Variants in RAB3C observed in about 807,000 individuals in gnomAD.
The protein encoded by RAB3C is ras-related protein Rab-3C.
In RAB3C, 17 loss-of-function variants were observed where a neutral mutation model predicts 26.4. The ratio of observed to expected loss-of-function variants is 0.64; its 90% confidence interval spans 0.44 to 0.97. The LOEUF (loss-of-function observed/expected upper bound fraction) is 0.97, where lower values mean the gene tolerates loss of function less well. RAB3C is among the 50% of genes least tolerant of loss of function. RAB3C has a pLI of 0.00. For synonymous variants in RAB3C, 91 were observed against 95.9 expected (o/e 0.95, Z 0.30); for missense variants, 242 against 281.9 (o/e 0.86, Z 1.01).
At chr5:58,582,648 A>T (rs756167992), upstream of RAB3C, among the ~76,000 whole-genome samples, 1 of 152,116 alleles carries the variant, frequency 6.6e-6, no homozygotes, top group African/African-American at 2.4e-5. Context: ...AACTTTCCCG[A>T]TTCGGATGGG....
chr5:58,852,314 T>C lies in RAB3C; in HGVS notation c.*963T>C, dbSNP rs1450978311. 1 of 152,176 alleles carries C rather than the reference T, an allele frequency of 6.6e-6. No homozygotes were observed. The highest frequency in any genetic ancestry group is 1.5e-5 in the Non-Finnish European group (1 of 68,044). 9.4% of individuals were successfully genotyped at this position (152,176 alleles called of 1,614,324 possible). Reference sequence around the variant, plus strand: ...TCACCAACTCTTGGACTAGAGCTTATGTTGAAGCTTGTTAGGGCTCCTCTT... The same window carrying C: ...TCACCAACTCTTGGACTAGAGCTTACGTTGAAGCTTGTTAGGGCTCCTCTT... On this transcript the variant is annotated 3_prime_UTR_variant, in exon 5 of 5. Transcript: ENST00000282878.
chr5:58,588,460 G>A (rs1034522922), intron 1 of RAB3C, among the ~76,000 whole-genome samples: 3 of 151,918 alleles, frequency 2.0e-5, no homozygotes, highest in Non-Finnish European at 4.4e-5. Flanking sequence ...AATGATGAAC[G>A]GTTTTTAGTA....
At chr5:58,605,368 T>G (rs1193544334) in intron 1 of RAB3C, among the ~76,000 whole-genome samples, 8 of 152,154 alleles carry the variant, frequency 5.3e-5, no homozygotes, top group Admixed American at 6.5e-5. Flanking sequence ...AATTTCATCT[T>G]TAAAATGGAG....
chr5:58,688,305 GTGTACCATGGCATAACCT>G (rs1748489163), intron 2 of RAB3C, among the ~76,000 whole-genome samples: 1 of 152,098 alleles, frequency 6.6e-6, no homozygotes, highest in African/African-American at 2.4e-5. Flanking sequence ...TGGCAGCCAT[GTGTACCATGGCATAACCT>G]TACCTCTCCC....
chr5:58,827,836 A>G (rs1743522739), intron 4 of RAB3C, among the ~76,000 whole-genome samples: 1 of 152,224 alleles, frequency 6.6e-6, no homozygotes, highest in African/African-American at 2.4e-5. Flanking sequence ...TTTTTAAAAA[A>G]TGCTCTCACA....
At chr5:58,774,712 G>A (rs1163317540) in intron 3 of RAB3C, among the ~76,000 whole-genome samples, 1 of 152,128 alleles carries the variant, frequency 6.6e-6, no homozygotes. Flanking sequence ...CTAGATATAG[G>A]TGACATTCAA....
intron 3 of RAB3C, among the ~76,000 whole-genome samples, chr5:58,749,295 TAA>T (rs996167083): frequency 4.6e-5 from 7 of 152,300 alleles, no homozygotes; most frequent in Admixed American, 3.9e-4. Flanking sequence ...TTGTGATTTT[TAA>T]AAAAATTTCA....
chr5:58,693,334 G>GTA (rs1478527340), intron 2 of RAB3C, among the ~76,000 whole-genome samples: 1,722 of 83,718 alleles, frequency 0.021, 63 homozygotes, highest in African/African-American at 0.061. Context: ...ATATATATAT[G>GTA]TGTATATATA....
chr5:58,731,082 A>G (rs1741009018), intron 3 of RAB3C, among the ~76,000 whole-genome samples: 1 of 152,226 alleles, frequency 6.6e-6, no homozygotes, highest in South Asian at 2.1e-4. Flanking sequence ...GGTTCCTCCC[A>G]TGACACGTGG....
At chr5:58,772,404 T>C (rs1363513887) in intron 3 of RAB3C, among the ~76,000 whole-genome samples, 1 of 152,108 alleles carries the variant, frequency 6.6e-6, no homozygotes, top group Non-Finnish European at 1.5e-5. Context: ...TCCATTAGAA[T>C]AGAAGGGCAG....
chr5:58,591,227 A>G (rs184648826), intron 1 of RAB3C, among the ~76,000 whole-genome samples: 21 of 152,238 alleles, frequency 1.4e-4, no homozygotes, highest in Admixed American at 1.2e-3. Context: ...GCAGTGTAGT[A>G]GTCTCTAAAT....
chr5:58,758,538 T>G (rs1458824726), intron 3 of RAB3C, among the ~76,000 whole-genome samples: 4 of 152,176 alleles, frequency 2.6e-5, no homozygotes, highest in Non-Finnish European at 5.9e-5. Context: ...ATTTCTTCAA[T>G]AGATCTGTCA....
chr5:58,693,169 A>T (rs905748730), intron 2 of RAB3C, among the ~76,000 whole-genome samples: 10 of 147,120 alleles, frequency 6.8e-5, no homozygotes, highest in Non-Finnish European at 1.5e-5. Flanking sequence ...TATAAATTAT[A>T]TAAATATAAT....
chr5:58,756,401 T>A (rs973994863), intron 3 of RAB3C, among the ~76,000 whole-genome samples: 2 of 136,378 alleles, frequency 1.5e-5, no homozygotes, highest in Admixed American at 7.5e-5. Context: ...TATATATATA[T>A]ATATGTATGT....
chr5:58,694,386 A>G (rs1400919375), intron 2 of RAB3C, among the ~76,000 whole-genome samples: 1 of 152,218 alleles, frequency 6.6e-6, no homozygotes, highest in African/African-American at 2.4e-5. Context: ...TAGTGCCGCA[A>G]TAAACATACA....
intron 2 of RAB3C, among the ~76,000 whole-genome samples, chr5:58,682,150 A>G (rs1354186643): frequency 6.6e-6 from 1 of 152,218 alleles, no homozygotes; most frequent in East Asian, 1.9e-4. Flanking sequence ...GACTACAGAC[A>G]TGACAATGGT....
At chr5:58,589,406 A>G (rs1429891108) in intron 1 of RAB3C, among the ~76,000 whole-genome samples, 2 of 152,170 alleles carry the variant, frequency 1.3e-5, no homozygotes, top group African/African-American at 4.8e-5. Context: ...TAGTATTGGA[A>G]TTATGCTTAT....
rs555052535 is a variant in RAB3C, at chr5:58,853,210, G to A, written c.*1859G>A. The stretch of plus-strand genomic sequence containing the variant: ...TCAAAATCACAGGAATTACAGTGAC[G>A]GGAGAGAAAGAAGCAGGAGGCATAA... On this transcript the variant is annotated 3_prime_UTR_variant, in exon 5 of 5. Transcript: ENST00000282878. The A allele has an allele frequency of 2.0e-5, 3 of 152,156 alleles. No individual in the cohort carries two copies. The highest frequency in any genetic ancestry group is 4.8e-5 in the African/African-American group (2 of 41,448). 9.4% of individuals were successfully genotyped at this position (152,156 alleles called of 1,614,324 possible).
intron 1 of RAB3C, among the ~76,000 whole-genome samples, chr5:58,584,216 T>C (rs1745966018): frequency 6.6e-6 from 1 of 152,244 alleles, no homozygotes; most frequent in African/African-American, 2.4e-5. Context: ...GACTTCAGCG[T>C]TTTCCAACTG....
Sources: allele counts gnomAD v4.1 joint callset (sites outside exome capture counted in the v4.1 genomes callset), GRCh38; gene constraint gnomAD v4.1.1; transcripts MANE v1.5; gene names NCBI Gene and HGNC (gene_info 2026-07-23, HGNC 2026-07-21).